ACCSL: variants seen among roughly 807,000 people sequenced by gnomAD.
ACCSL encodes the protein probable inactive 1-aminocyclopropane-1-carboxylate synthase-like protein 2.
Under a neutral mutation model 61.7 loss-of-function variants are expected in ACCSL, and 55 were observed. The observed-to-expected ratio is 0.89, with a 90% CI of 0.72 to 1.12. The LOEUF is 1.12. Ranked by LOEUF, ACCSL falls within the 50% of genes most tolerant of loss-of-function variation. The pLI, the probability that ACCSL is intolerant of heterozygous loss-of-function variation, is 0.00. For missense variants in ACCSL, 632 were observed against 698.0 expected, an observed-to-expected ratio of 0.91 and a Z score of 1.07; for synonymous variants, 258 against 264.3, an observed-to-expected ratio of 0.98 and a Z score of 0.23.
chr11:43,930,263 C>T, the ACCSL span, among the ~76,000 whole-genome samples: 3 of 152,202 alleles, frequency 2.0e-5, no homozygotes, highest in Non-Finnish European at 4.4e-5. Flanking sequence ...TGTCCTGCCT[C>T]TGGCTCCTGG....
At chr11:43,995,304 C>CCA in the ACCSL span, 1 of 152,156 alleles carries the variant, frequency 6.6e-6, no homozygotes, top group Non-Finnish European at 1.5e-5. Flanking sequence ...GACTCTGACT[C>CCA]CACAGCCATT....
At chr11:43,973,550 TA>T in the ACCSL span, among the ~76,000 whole-genome samples, 2 of 152,220 alleles carry the variant, frequency 1.3e-5, no homozygotes, top group Admixed American at 1.3e-4. Context: ...CTTACTGGTC[TA>T]ACCAGTTACT....
chr11:44,048,875 A>C (rs1272757477), intron 1 of ACCSL, among the ~76,000 whole-genome samples: 1 of 152,176 alleles, frequency 6.6e-6, no homozygotes, highest in Middle Eastern at 3.2e-3. Context: ...CACAGGCATT[A>C]ATAATCTTCC....
chr11:44,017,725 G>T, the ACCSL span, among the ~76,000 whole-genome samples: 1 of 152,160 alleles, frequency 6.6e-6, no homozygotes, highest in African/African-American at 2.4e-5. Flanking sequence ...AAGAGCTCCT[G>T]CTGTACAGGG....
chr11:43,979,846 C>CAAA, the ACCSL span, among the ~76,000 whole-genome samples: 2 of 50,828 alleles, frequency 3.9e-5, no homozygotes, highest in Non-Finnish European at 4.4e-5. Flanking sequence ...GACTCTGTCT[C>CAAA]AAAAAAAAAA....
the ACCSL span, among the ~76,000 whole-genome samples, chr11:44,036,246 C>A: frequency 6.6e-6 from 1 of 152,314 alleles, no homozygotes; most frequent in South Asian, 2.1e-4. Context: ...AGAGACCAGG[C>A]CAGACCTAAA....
chr11:43,986,742 A>G, the ACCSL span, among the ~76,000 whole-genome samples: 19 of 152,198 alleles, frequency 1.2e-4, no homozygotes, highest in Non-Finnish European at 2.4e-4. Flanking sequence ...GTTTGCCTGC[A>G]TCACATGAGT....
the ACCSL span, among the ~76,000 whole-genome samples, chr11:44,005,092 T>G: frequency 1.6e-4 from 22 of 141,450 alleles, no homozygotes; most frequent in East Asian, 1.9e-3. Flanking sequence ...CCCTGTGCTT[T>G]TCGAGTCCCG....
At chr11:44,050,228 A>G in intron 2 of ACCSL, 107 bp downstream of exon 2, 1 of 925,902 alleles carries the variant, frequency 1.1e-6, no homozygotes, top group Non-Finnish European at 1.8e-6. Context: ...GAGCCTGGGA[A>G]GAGGAGTGAA....
At chr11:43,975,094 G>A in the ACCSL span, among the ~76,000 whole-genome samples, 2 of 152,144 alleles carry the variant, frequency 1.3e-5, no homozygotes, top group Non-Finnish European at 2.9e-5. Flanking sequence ...AAGCTGGAAG[G>A]ACTTTGAGGA....
At chr11:44,040,055 G>C in the ACCSL span, among the ~76,000 whole-genome samples, 1 of 152,338 alleles carries the variant, frequency 6.6e-6, no homozygotes, top group East Asian at 1.9e-4. Context: ...ACACAGGCAG[G>C]GGGGCCTGGG....
chr11:44,057,132 A>G (rs1354696009), intron 11 of ACCSL, among the ~76,000 whole-genome samples: 1 of 152,188 alleles, frequency 6.6e-6, no homozygotes, highest in Non-Finnish European at 1.5e-5. Context: ...GGCCTGTGGT[A>G]CCTAGATTCA....
At chr11:43,998,011 G>A in the ACCSL span, among the ~76,000 whole-genome samples, 3 of 152,174 alleles carry the variant, frequency 2.0e-5, no homozygotes, top group African/African-American at 7.2e-5. Context: ...TAAAAGCATG[G>A]TATTTTGGAG....
At chr11:44,026,991 G>T in the ACCSL span, among the ~76,000 whole-genome samples, 2 of 152,208 alleles carry the variant, frequency 1.3e-5, no homozygotes, top group Non-Finnish European at 1.5e-5. Context: ...GCCTCCCAAA[G>T]TGCTGGGATT....
chr11:43,959,121 C>T, the ACCSL span, among the ~76,000 whole-genome samples: 1 of 152,176 alleles, frequency 6.6e-6, no homozygotes, highest in Non-Finnish European at 1.5e-5. Flanking sequence ...CCACAGTGGG[C>T]ATTACATGTC....
At chr11:44,058,774 C>G (rs1590434023) in intron 13 of ACCSL, 75 bp downstream of exon 13, 6 of 1,501,142 alleles carry the variant, frequency 4.0e-6, no homozygotes, top group Non-Finnish European at 5.4e-6. Context: ...CCCCACCCCC[C>G]TTAAACATCC....
chr11:43,970,026 C>CA, the ACCSL span, among the ~76,000 whole-genome samples: 2 of 151,530 alleles, frequency 1.3e-5, no homozygotes, highest in African/African-American at 4.9e-5. Context: ...TAAACGATTT[C>CA]AGATTTAGGG....
At chr11:44,032,287 G>T in the ACCSL span, among the ~76,000 whole-genome samples, 1 of 152,292 alleles carries the variant, frequency 6.6e-6, no homozygotes, top group Non-Finnish European at 1.5e-5. Flanking sequence ...TGCAGTCTGA[G>T]CTGCTCTGCA....
chr11:44,044,982 C>T (rs1232922818), upstream of ACCSL, among the ~76,000 whole-genome samples: 1 of 152,116 alleles, frequency 6.6e-6, no homozygotes, highest in East Asian at 1.9e-4. Context: ...TTGGTATACC[C>T]CCGGTACCAG....
Sources: gnomAD v4.1 joint callset for allele counts (sites outside exome capture counted in the v4.1 genomes callset) on GRCh38, gnomAD v4.1.1 for gene constraint, MANE v1.5 for transcripts, NCBI Gene and HGNC (gene_info 2026-07-23, HGNC 2026-07-21) for gene names.